ZNF804B: variants seen among roughly 807,000 people sequenced by gnomAD.
ZNF804B encodes zinc finger protein 804B, also known as zinc finger 804B.
A neutral mutation model predicts 101.4 loss-of-function variants in ZNF804B; 80 were observed. That is an observed-to-expected ratio of 0.79 (90% CI 0.66 to 0.95). The LOEUF (loss-of-function observed/expected upper bound fraction) is 0.95, where lower values mean the gene tolerates loss of function less well. ZNF804B is among the 40% of genes least tolerant of loss of function. The pLI, the probability that ZNF804B is intolerant of heterozygous loss-of-function variation, is 0.00. For missense variants in ZNF804B, 1,673 were observed against 1,561.9 expected, an observed-to-expected ratio of 1.07 and a Z score of -1.20; for synonymous variants, 622 against 558.8, an observed-to-expected ratio of 1.11 and a Z score of -1.59.
chr7:88,769,161 A>G (rs150522994), intron 1 of ZNF804B, among the ~76,000 whole-genome samples: 6 of 152,324 alleles, frequency 3.9e-5, no homozygotes, highest in Non-Finnish European at 2.9e-5. Flanking sequence ...TGTCTTAGTT[A>G]ATTTAATGAT....
At chr7:89,077,499 G>A (rs1025596195) in intron 1 of ZNF804B, among the ~76,000 whole-genome samples, 1 of 152,070 alleles carries the variant, frequency 6.6e-6, no homozygotes, top group African/African-American at 2.4e-5. Context: ...ATAATTTAAC[G>A]AGATCGTTTA....
In ZNF804B at chr7:89,171,338, TTCTTCTTCTTCTTCTTCTTCC is replaced by T. The variant is rs1562904496; in HGVS notation, c.109-46814_109-46794del. Among the ~76,000 whole-genome samples the T allele has an allele frequency of 1.0e-3, 123 of 119,848 alleles. 2 individuals are homozygous for T. Among genetic ancestry groups the T allele is most frequent in the Admixed American group, 4.1e-3 (51 of 12,544 alleles). The allele number at this position is 119,848 out of a possible 152,430, so 78.6% of individuals were successfully genotyped here. On this transcript the variant is annotated intron_variant, in intron 1 of 3. Coordinates refer to ENST00000333190, the MANE Select transcript of ZNF804B (RefSeq NM_181646.5). ...CTTCTTCTTCTTCTTCTTCTTCTTC[TTCTTCTTCTTCTTCTTCTTCC>T]TCCTCTTCCTCTTCTTCCTCTTCTT...
In ZNF804B at chr7:89,141,736, CTCTTTT is replaced by C. The variant is rs1257530002; in HGVS notation, c.109-76417_109-76412del. On this transcript the variant is annotated intron_variant, in intron 1 of 3. Transcript: ENST00000333190. The stretch of plus-strand genomic sequence containing the variant: ...TTGCCAACACTCATCTTCTGTTTTT[CTCTTTT>C]TAAGTAAAGAATTTTAAGTGCCAAA... Among the ~76,000 whole-genome samples, 3 of 151,958 alleles carry C rather than the reference CTCTTTT, an allele frequency of 2.0e-5. No homozygotes were observed. The East Asian group carries it at 5.8e-4, about 29-fold the overall frequency.
chr7:88,868,221 C>T (rs1184723029), intron 1 of ZNF804B, among the ~76,000 whole-genome samples: 1 of 151,988 alleles, frequency 6.6e-6, no homozygotes, highest in Non-Finnish European at 1.5e-5. Context: ...CTGACTGTAC[C>T]TACTTTCCCC....
intron 1 of ZNF804B, among the ~76,000 whole-genome samples, chr7:89,085,594 C>G (rs112528940): frequency 4.2e-4 from 64 of 151,970 alleles, no homozygotes; most frequent in East Asian, 1.7e-3. Context: ...TGCATGAACA[C>G]TCTATATGCC....
At chr7:89,086,126 C>T (rs568562156) in intron 1 of ZNF804B, among the ~76,000 whole-genome samples, 2 of 151,972 alleles carry the variant, frequency 1.3e-5, no homozygotes, top group South Asian at 4.1e-4. Context: ...TTCTGCTTAC[C>T]TGCTGTGATT....
chr7:89,171,913 G>A (rs1791243077), intron 1 of ZNF804B, among the ~76,000 whole-genome samples: 1 of 152,008 alleles, frequency 6.6e-6, no homozygotes, highest in African/African-American at 2.4e-5. Flanking sequence ...TAGACTTGGG[G>A]GAACTCTGAG....
At chr7:88,963,803 A>G (rs1793421151) in intron 1 of ZNF804B, among the ~76,000 whole-genome samples, 1 of 151,422 alleles carries the variant, frequency 6.6e-6, no homozygotes, top group Non-Finnish European at 1.5e-5. Context: ...ACAATATATC[A>G]AGGACTTCTA....
At chr7:89,227,247 C>A (rs544318830) in intron 2 of ZNF804B, among the ~76,000 whole-genome samples, 1 of 152,174 alleles carries the variant, frequency 6.6e-6, no homozygotes, top group Non-Finnish European at 1.5e-5. Flanking sequence ...ATTCTACCCT[C>A]GCAGTTGATT....
intron 1 of ZNF804B, among the ~76,000 whole-genome samples, chr7:89,077,575 A>T (rs1306146494): frequency 6.6e-6 from 1 of 152,142 alleles, no homozygotes; most frequent in Non-Finnish European, 1.5e-5. Context: ...GTGCCTGGTG[A>T]TATAGCACTT....
Position 89,327,345 on chromosome 7 carries a change from G to T in ZNF804B, c.251G>T (p.Arg84Ile). The T allele has an allele frequency of 6.3e-7, 1 of 1,594,134 alleles. No individual in the cohort carries two copies. Among genetic ancestry groups the T allele is most frequent in the South Asian group, 1.2e-5 (1 of 86,082 alleles). Residue 84 changes from arginine (R) to isoleucine (I), a missense_variant and splice_region_variant, in exon 3 of 4, where the codon AGA becomes ATA. By Grantham distance (97) the Arg-to-Ile change is moderately conservative. Transcript: ENST00000333190. ...TTTTGGTTTTTCTTCTTTTTCAAGA[G>T]ACTGAAAGAATTAAAGCAACGGGAA... The part of the protein sequence containing the change: ...INSYDHAHKQ[R>I]LKELKQREFA...
intron 1 of ZNF804B, among the ~76,000 whole-genome samples, chr7:89,130,660 C>T (rs1456238918): frequency 6.6e-6 from 1 of 151,930 alleles, no homozygotes; most frequent in Non-Finnish European, 1.5e-5. Context: ...GGGACTGGCC[C>T]ATGCTGAGGA....
chr7:89,108,175 C>G (rs949526744), intron 1 of ZNF804B, among the ~76,000 whole-genome samples: 3 of 151,228 alleles, frequency 2.0e-5, no homozygotes, highest in Non-Finnish European at 2.9e-5. Context: ...GATTTTCCTC[C>G]TTTTAACCTC....
intron 1 of ZNF804B, among the ~76,000 whole-genome samples, chr7:89,183,779 C>T (rs938965011): frequency 8.5e-5 from 13 of 152,126 alleles, no homozygotes; most frequent in Admixed American, 1.3e-4. Flanking sequence ...TTTATTTATG[C>T]GTCTGTCTGC....
chr7:89,050,398 C>T (rs1346809966), intron 1 of ZNF804B, among the ~76,000 whole-genome samples: 1 of 152,084 alleles, frequency 6.6e-6, no homozygotes, highest in Non-Finnish European at 1.5e-5. Context: ...TAAAGTCGTA[C>T]CATTTTCAAT....
chr7:88,943,915 C>A (rs1793091057), intron 1 of ZNF804B, among the ~76,000 whole-genome samples: 1 of 151,746 alleles, frequency 6.6e-6, no homozygotes, highest in Admixed American at 6.6e-5. Flanking sequence ...TTTTCATATT[C>A]ATTCATTTCA....
chr7:88,982,214 A>G (rs904869305), intron 1 of ZNF804B, among the ~76,000 whole-genome samples: 1 of 151,914 alleles, frequency 6.6e-6, no homozygotes, highest in Non-Finnish European at 1.5e-5. Flanking sequence ...TCTATACTCT[A>G]TTGAATGCAG....
intron 2 of ZNF804B, 128 bp downstream of exon 2, chr7:89,218,423 C>T (rs1005377295): frequency 8.8e-7 from 1 of 1,141,786 alleles, no homozygotes; most frequent in Non-Finnish European, 1.2e-6. Flanking sequence ...CTTTTTTCCC[C>T]CCTGGAAAGG....
intron 1 of ZNF804B, among the ~76,000 whole-genome samples, chr7:89,198,724 T>C (rs1788589872): frequency 6.6e-6 from 1 of 151,708 alleles, no homozygotes; most frequent in Admixed American, 6.6e-5. Context: ...CAATAGAAAA[T>C]ATATAAAGCT....
Sources: allele counts gnomAD v4.1 joint callset (sites outside exome capture counted in the v4.1 genomes callset), GRCh38; gene constraint gnomAD v4.1.1; transcripts MANE v1.5; gene names NCBI Gene and HGNC (gene_info 2026-07-23, HGNC 2026-07-21).